MRTFB: variants seen among roughly 807,000 people sequenced by gnomAD.
MRTFB encodes the protein myocardin related transcription factor B.
MRTFB carries 29 observed loss-of-function variants against 104.2 expected under a neutral mutation model. The observed-to-expected ratio is 0.28, with a 90% CI of 0.21 to 0.38. The LOEUF (loss-of-function observed/expected upper bound fraction) is 0.38, where lower values mean the gene tolerates loss of function less well. MRTFB is among the 10% of genes least tolerant of loss of function. The probability of loss-of-function intolerance (pLI) is 1.00; values close to 1 mark genes in which losing one functional copy is unlikely to be tolerated. For missense variants in MRTFB, 1,270 were observed against 1,341.6 expected (o/e 0.95, Z 0.83); for synonymous variants, 535 against 519.5 (o/e 1.03, Z -0.41).
chr16:14,048,655 G>T, the MRTFB span, among the ~76,000 whole-genome samples: 3 of 152,304 alleles, frequency 2.0e-5, no homozygotes, highest in East Asian at 5.8e-4. Context: ...TTAATCAGGG[G>T]AATCACATGA....
Position 14,071,325 on chromosome 16 carries a change from G to A in MRTFB, c.-169G>A. 1 of 167,098 alleles carries A rather than the reference G, an allele frequency of 6.0e-6. No homozygotes were observed. The highest frequency in any genetic ancestry group is 1.2e-5 in the Non-Finnish European group (1 of 80,414). 10.4% of individuals were successfully genotyped at this position (167,098 alleles called of 1,614,324 possible). On this transcript the variant is annotated 5_prime_UTR_variant, in exon 1 of 17. Transcript: ENST00000571589. ...GAGGGGAGCGAAGTCTCGCGAGATCGCGCGGCGGCGGCGGGAGCGGCGGCG... is the reference window on the plus strand; with the variant it reads ...GAGGGGAGCGAAGTCTCGCGAGATCACGCGGCGGCGGCGGGAGCGGCGGCG...
chr16:14,229,616 T>G (rs542032986), intron 8 of MRTFB, among the ~76,000 whole-genome samples: 1 of 152,340 alleles, frequency 6.6e-6, no homozygotes, highest in South Asian at 2.1e-4. Flanking sequence ...TGCAGACATC[T>G]GAAACAGGAT....
At chr16:14,234,357 C>T (rs1414380590) in intron 9 of MRTFB, 74 bp downstream of exon 9, 16 of 1,501,314 alleles carry the variant, frequency 1.1e-5, no homozygotes, top group Non-Finnish European at 2.7e-6. Context: ...GAATGGAAGA[C>T]AAAGGCATTT....
chr16:14,087,621 TG>T (rs2034800326), intron 2 of MRTFB, among the ~76,000 whole-genome samples: 1 of 152,232 alleles, frequency 6.6e-6, no homozygotes, highest in Non-Finnish European at 1.5e-5. Context: ...TAAGTGTTTG[TG>T]TATGTTAAAC....
chr16:14,035,460 C>T, the MRTFB span, among the ~76,000 whole-genome samples: 3 of 152,178 alleles, frequency 2.0e-5, no homozygotes, highest in African/African-American at 7.2e-5. Context: ...GAGCTGCTCT[C>T]TTGGCTTTTG....
upstream of MRTFB, among the ~76,000 whole-genome samples, chr16:14,068,134 A>G (rs2033541539): frequency 6.6e-6 from 1 of 152,118 alleles, no homozygotes. Context: ...AGCTGGCCTA[A>G]AAACTAATTT....
At chr16:14,029,705 G>A in the MRTFB span, among the ~76,000 whole-genome samples, 1 of 151,934 alleles carries the variant, frequency 6.6e-6, no homozygotes, top group Non-Finnish European at 1.5e-5. Flanking sequence ...ATTTTTAGCT[G>A]CTGGAGCTGC....
At chr16:14,107,857 T>C (rs2036068913) in intron 2 of MRTFB, among the ~76,000 whole-genome samples, 2 of 152,194 alleles carry the variant, frequency 1.3e-5, no homozygotes, top group African/African-American at 4.8e-5. Context: ...GTAGGTGTTG[T>C]TGGGATCTGT....
At chr16:13,996,844 G>A in the MRTFB span, among the ~76,000 whole-genome samples, 1 of 152,162 alleles carries the variant, frequency 6.6e-6, no homozygotes, top group Non-Finnish European at 1.5e-5. Flanking sequence ...TGTAGAAGGT[G>A]TGCTTTTGAG....
chr16:14,052,696 G>A, the MRTFB span, among the ~76,000 whole-genome samples: 66 of 148,460 alleles, frequency 4.4e-4, no homozygotes, highest in African/African-American at 1.5e-3. Flanking sequence ...CCGAGATGGT[G>A]CCATTGCACT....
the MRTFB span, chr16:14,018,869 A>C: frequency 6.6e-6 from 1 of 152,220 alleles, no homozygotes. Flanking sequence ...CCATCAGTTT[A>C]ACATTGCAAA....
chr16:14,219,746 T>C lies in MRTFB; in HGVS notation c.693+748T>C, dbSNP rs1369789227. ...ATGTCTTTCAGCATTATTTTCTTCATTGCATTTATCACCATGATCTGAAAT... is the reference window on the plus strand; with the variant it reads ...ATGTCTTTCAGCATTATTTTCTTCACTGCATTTATCACCATGATCTGAAAT... On this transcript the variant is annotated intron_variant, in intron 8 of 16. Transcript: ENST00000571589. Among the ~76,000 whole-genome samples the C allele has an allele frequency of 3.9e-5, 6 of 152,352 alleles. No individual in the cohort carries two copies. In the East Asian group the frequency reaches 1.2e-3, roughly 29 times the overall value.
chr16:14,152,722 T>C (rs960325807), intron 3 of MRTFB: 5 of 152,184 alleles, frequency 3.3e-5, no homozygotes, highest in African/African-American at 1.2e-4. Flanking sequence ...GTGAGTGGCA[T>C]GTATGAAATT....
At chr16:14,023,868 G>T in the MRTFB span, among the ~76,000 whole-genome samples, 80 of 152,102 alleles carry the variant, frequency 5.3e-4, no homozygotes, top group African/African-American at 1.8e-3. Context: ...CTGGCCAACA[G>T]GGTGAAACCC....
the MRTFB span, among the ~76,000 whole-genome samples, chr16:14,053,349 A>G: frequency 6.6e-6 from 1 of 152,180 alleles, no homozygotes; most frequent in Admixed American, 6.5e-5. Context: ...GGTGGAATCC[A>G]TATCTTGGCT....
In MRTFB at chr16:14,263,547, C is replaced by T. The variant is rs764993722; in HGVS notation, c.*2103C>T. ...TGTAGAAGGTAACCGAACACTAGTA[C>T]CATTGACTCTCGTTGAATAACTTTA... On this transcript the variant is annotated 3_prime_UTR_variant, in exon 17 of 17. Transcript: ENST00000571589. 1.3e-5 allele frequency: 2 copies of T among 152,140 alleles called. No homozygotes were observed. Among genetic ancestry groups the T allele is most frequent in the Non-Finnish European group, 2.9e-5 (2 of 68,030 alleles). The allele number at this position is 152,140 out of a possible 1,614,324, so 9.4% of individuals were successfully genotyped here. A position where few individuals can be genotyped will look rare whatever the true frequency, so the allele number is the denominator to read the frequency against.
At chr16:14,080,701 C>T (rs556073388) in intron 2 of MRTFB, among the ~76,000 whole-genome samples, 3 of 152,164 alleles carry the variant, frequency 2.0e-5, no homozygotes, top group Non-Finnish European at 2.9e-5. Context: ...ATTCTACTCT[C>T]TTCTTGTATG....
At chr16:14,112,770 A>G (rs1266046396) in intron 2 of MRTFB, among the ~76,000 whole-genome samples, 1 of 152,088 alleles carries the variant, frequency 6.6e-6, no homozygotes, top group Non-Finnish European at 1.5e-5. Flanking sequence ...GCCATCCAAC[A>G]CTGTTCTCCA....
chr16:14,001,065 C>T, the MRTFB span, among the ~76,000 whole-genome samples: 1,204 of 152,358 alleles, frequency 7.9e-3, 18 homozygotes, highest in African/African-American at 0.028. Flanking sequence ...ATAGCGACTA[C>T]GTCCCTCACC....
Sources: gnomAD v4.1 joint callset for allele counts (sites outside exome capture counted in the v4.1 genomes callset) on GRCh38, gnomAD v4.1.1 for gene constraint, MANE v1.5 for transcripts, NCBI Gene and HGNC (gene_info 2026-07-23, HGNC 2026-07-21) for gene names.